Variants in DCAF6 observed in about 807,000 individuals in gnomAD.
DCAF6 encodes DDB1- and CUL4-associated factor 6.
Under a neutral mutation model 125.1 loss-of-function variants are expected in DCAF6, and 54 were observed. The observed-to-expected ratio is 0.43, with a 90% CI of 0.35 to 0.54. The LOEUF (loss-of-function observed/expected upper bound fraction) is 0.54. DCAF6 is among the 20% of genes least tolerant of loss of function. The pLI, the probability that DCAF6 is intolerant of heterozygous loss-of-function variation, is 0.01. For missense variants in DCAF6, 934 were observed against 1,161.7 expected, an observed-to-expected ratio of 0.80 and a Z score of 2.85; for synonymous variants, 371 against 390.4, an observed-to-expected ratio of 0.95 and a Z score of 0.58.
chr1:167,927,157 G>A, the DCAF6 span, among the ~76,000 whole-genome samples: 37 of 152,212 alleles, frequency 2.4e-4, no homozygotes, highest in African/African-American at 8.2e-4. Context: ...GATTTGCCTC[G>A]ACACTGCTTC....
intron 1 of DCAF6, among the ~76,000 whole-genome samples, chr1:167,942,999 T>G (rs565945736): frequency 6.6e-6 from 1 of 152,150 alleles, no homozygotes; most frequent in South Asian, 2.1e-4. Flanking sequence ...CTCCGCCTCC[T>G]GGGTTCACAC....
chr1:167,953,711 G>A (rs1254735405), intron 2 of DCAF6, among the ~76,000 whole-genome samples: 1 of 151,708 alleles, frequency 6.6e-6, no homozygotes, highest in Non-Finnish European at 1.5e-5. Context: ...GCAGTTCTCC[G>A]CTGCAGCCTC....
chr1:167,977,257 C>T (rs1231045694), intron 4 of DCAF6, among the ~76,000 whole-genome samples: 1 of 144,274 alleles, frequency 6.9e-6, no homozygotes, highest in Non-Finnish European at 1.5e-5. Context: ...AAAACAATTT[C>T]AGTTTCCTTT....
intron 13 of DCAF6, 132 bp downstream of exon 13, chr1:168,038,620 C>A: frequency 1.7e-6 from 1 of 584,236 alleles, no homozygotes; most frequent in Non-Finnish European, 2.9e-6. Flanking sequence ...GAGTGTGCTT[C>A]AGAATCACTG....
At chr1:167,923,257 T>C in the DCAF6 span, among the ~76,000 whole-genome samples, 1 of 152,206 alleles carries the variant, frequency 6.6e-6, no homozygotes, top group Non-Finnish European at 1.5e-5. Flanking sequence ...ATGTTCATGG[T>C]AGCATTATTC....
chr1:167,906,395 A>C, the DCAF6 span, among the ~76,000 whole-genome samples: 1 of 152,142 alleles, frequency 6.6e-6, no homozygotes, highest in Admixed American at 6.6e-5. Flanking sequence ...TTAAAAATGC[A>C]GCAAAAGACC....
intron 11 of DCAF6, among the ~76,000 whole-genome samples, chr1:168,016,545 T>G (rs939566931): frequency 6.6e-6 from 1 of 152,206 alleles, no homozygotes; most frequent in African/African-American, 2.4e-5. Flanking sequence ...CATGTTCTTA[T>G]TATGCTATAA....
chr1:167,873,415 A>G, the DCAF6 span, among the ~76,000 whole-genome samples: 1 of 152,174 alleles, frequency 6.6e-6, no homozygotes, highest in Non-Finnish European at 1.5e-5. Context: ...TTGTGGCCCA[A>G]TATTTCTCCA....
Position 167,966,616 on chromosome 1 carries a change from G to C in DCAF6, c.160-13G>C, listed in dbSNP as rs1325911650. The C allele has an allele frequency of 2.6e-6, 4 of 1,521,770 alleles. No homozygotes were observed. Among genetic ancestry groups the C allele is most frequent in the Middle Eastern group, 1.7e-4 (1 of 5,892 alleles). 94.3% of individuals were successfully genotyped at this position (1,521,770 alleles called of 1,614,324 possible). ...TCCAATTTGCTTATATTTCTTTTTT[G>C]CTTTCTCTTTAGGTTAATACAATCT... On this transcript the variant is annotated splice_polypyrimidine_tract_variant and intron_variant, in intron 2 of 21. Transcript: ENST00000367840.
chr1:168,046,051 C>T (rs1272702676), intron 16 of DCAF6, among the ~76,000 whole-genome samples: 1 of 151,996 alleles, frequency 6.6e-6, no homozygotes, highest in Admixed American at 6.6e-5. Context: ...CCTAAAGTAT[C>T]TGTCAACTGA....
chr1:167,882,101 T>C, the DCAF6 span, among the ~76,000 whole-genome samples: 1 of 152,236 alleles, frequency 6.6e-6, no homozygotes, highest in African/African-American at 2.4e-5. Flanking sequence ...CTGCTTTTAA[T>C]ACACAAAAGG....
rs371597403 is a variant in DCAF6, at chr1:168,055,107, T to C, written c.2300+4174T>C. Reference sequence around the variant, plus strand: ...CATGGAATTTAATTTATTCTTTTAATATCTTTTTTCTTATTTATGCCTGGG... The same window carrying C: ...CATGGAATTTAATTTATTCTTTTAACATCTTTTTTCTTATTTATGCCTGGG... On this transcript the variant is annotated intron_variant, in intron 17 of 21. Transcript: ENST00000367840. 2.6e-5 allele frequency among the ~76,000 whole-genome samples: 4 copies of C among 152,278 alleles called. No individual in the cohort carries two copies. The East Asian group carries it at 7.7e-4, about 29-fold the overall frequency.
intron 4 of DCAF6, among the ~76,000 whole-genome samples, chr1:167,984,510 T>C (rs977759230): frequency 1.6e-4 from 24 of 152,302 alleles, no homozygotes; most frequent in African/African-American, 4.3e-4. Context: ...ATTTCATTTA[T>C]AGACAGTAGT....
chr1:167,903,991 C>T, the DCAF6 span: 8 of 1,608,712 alleles, frequency 5.0e-6, no homozygotes, highest in Admixed American at 1.3e-4. Context: ...TGCAGTAAAA[C>T]CTGGAATAAA....
intron 2 of DCAF6, among the ~76,000 whole-genome samples, chr1:167,954,822 T>C (rs1329180865): frequency 1.3e-5 from 2 of 152,350 alleles, no homozygotes; most frequent in African/African-American, 2.4e-5. Flanking sequence ...CTATTTGATA[T>C]GTTTAACACA....
At chr1:168,041,191 G>A (rs926020835) in intron 13 of DCAF6, among the ~76,000 whole-genome samples, 10 of 151,958 alleles carry the variant, frequency 6.6e-5, no homozygotes, top group Admixed American at 2.0e-4. Flanking sequence ...ACCTGAGAAG[G>A]CCCTCATTGA....
chr1:167,993,269 T>C lies in DCAF6; in HGVS notation c.732T>C (p.Phe244=). The change falls in exon 7 of 22, where the codon TTT becomes TTC. Residue 244 remains phenylalanine, a synonymous_variant. Transcript: ENST00000367840. The part of the protein sequence containing the change: ...GRGTTGMVAR[F]IPSHLNNKSC... ...GGACTACTGGAATGGTTGCCCGTTT[T>C]ATTCCTTCCCATCTTAATAATAAGT... 1 of 1,614,138 alleles carries C rather than the reference T, an allele frequency of 6.2e-7. No individual in the cohort carries two copies. The highest frequency in any genetic ancestry group is 1.7e-5 in the Admixed American group (1 of 60,010).
chr1:168,056,070 C>G, intron 17 of DCAF6: 1 of 1,592,072 alleles, frequency 6.3e-7, no homozygotes, highest in African/African-American at 1.4e-5. Context: ...AGTTACTTCT[C>G]CTGATAAAGG....
chr1:167,912,361 T>G, the DCAF6 span, among the ~76,000 whole-genome samples: 34 of 152,320 alleles, frequency 2.2e-4, no homozygotes, highest in African/African-American at 8.2e-4. Flanking sequence ...ACATGGCGAT[T>G]CCGGAGGCCT....
Sources: allele counts gnomAD v4.1 joint callset (sites outside exome capture counted in the v4.1 genomes callset), GRCh38; gene constraint gnomAD v4.1.1; transcripts MANE v1.5; gene names NCBI Gene and HGNC (gene_info 2026-07-23, HGNC 2026-07-21).